WNT5A: variants seen among roughly 807,000 people sequenced by gnomAD.
WNT5A encodes protein Wnt-5a.
Under a neutral mutation model 42.1 loss-of-function variants are expected in WNT5A, and 9 were observed. The ratio of observed to expected loss-of-function variants is 0.21; its 90% confidence interval spans 0.13 to 0.37. The LOEUF is 0.37. Among genes scored for constraint, WNT5A ranks in the 10% least tolerant of loss-of-function variants. WNT5A has a pLI of 1.00. For synonymous variants in WNT5A, 210 were observed against 210.0 expected, an observed-to-expected ratio of 1.00 and a Z score of 0.00; for missense variants, 426 against 534.0, an observed-to-expected ratio of 0.80 and a Z score of 1.99.
intron 2 of WNT5A, among the ~76,000 whole-genome samples, 159 bp from the exon 3 acceptor site, chr3:55,479,723 T>C (rs1415518333): frequency 6.6e-6 from 1 of 152,190 alleles, no homozygotes. Flanking sequence ...AAAACTCCTC[T>C]GTTTAAACTG....
chr3:55,466,611 C>T lies in WNT5A; in HGVS notation c.*3481G>A, dbSNP rs1365090218. On this transcript the variant is annotated 3_prime_UTR_variant, in exon 5 of 5. Transcript: ENST00000264634. The stretch of plus-strand genomic sequence containing the variant: ...TTCTTTCTATTTGAGCCCATAATGA[C>T]TATTTTGAACATGGCTCTTTTGCTG... The T allele has an allele frequency of 6.6e-6, 1 of 152,538 alleles. No individual in the cohort carries two copies. The highest frequency in any genetic ancestry group is 2.4e-5 in the African/African-American group (1 of 41,448). 9.4% of individuals were successfully genotyped at this position (152,538 alleles called of 1,614,324 possible).
the WNT5A span, among the ~76,000 whole-genome samples, chr3:55,499,709 C>A: frequency 6.6e-6 from 1 of 152,148 alleles, no homozygotes; most frequent in African/African-American, 2.4e-5. Flanking sequence ...CATGGTGGCT[C>A]ACGCCTGTAA....
chr3:55,476,650 T>C (rs1286000435), intron 3 of WNT5A, among the ~76,000 whole-genome samples: 2 of 152,258 alleles, frequency 1.3e-5, no homozygotes, highest in Admixed American at 1.3e-4. Context: ...CATTTCCTTT[T>C]ATGCCGCAGA....
upstream of WNT5A, among the ~76,000 whole-genome samples, chr3:55,494,994 A>G (rs1452429833): frequency 1.3e-5 from 2 of 152,222 alleles, no homozygotes. Context: ...TGCATCCTCA[A>G]ATCTCAAGAC....
At position 55,468,148 on chromosome 3, in the gene WNT5A, A is replaced by G. The variant is rs1164874144; in HGVS notation, c.*1944T>C. Reference sequence around the variant, plus strand: ...AAGAGGTGTCCTTATTAAAAAAAAAAAAAAAAAAGCTATCTATGTAGTGGG... The same window carrying G: ...AAGAGGTGTCCTTATTAAAAAAAAAGAAAAAAAAGCTATCTATGTAGTGGG... On this transcript the variant is annotated 3_prime_UTR_variant, in exon 5 of 5. Transcript: ENST00000264634. The G allele has an allele frequency of 6.6e-6, 1 of 151,730 alleles. No homozygotes were observed. The highest frequency in any genetic ancestry group is 1.5e-5 in the Non-Finnish European group (1 of 67,906). The allele number at this position is 151,730 out of a possible 1,614,324, so 9.4% of individuals were successfully genotyped here. A position where few individuals can be genotyped will look rare whatever the true frequency, so the allele number is the denominator to read the frequency against.
rs1302532308 is a variant in WNT5A at position 55,470,519 on chromosome 3, T to C, written c.716A>G (p.Lys239Arg). ...TVYNLADVAC[K>R]CHGVSGSCSL... ...ACATGAGCCGGACACCCCATGGCAC[T>C]TGCAGGCCACATCAGCCAGGTTGTA... The change falls in exon 5 of 5, where the codon AAG (lysine) becomes AGG (arginine). Residue 239 changes from lysine to arginine, a missense_variant. Around this residue, in one of 3 missense-constraint regions of WNT5A, gnomAD observed 358 missense variants for 468.1 expected, o/e 0.76. Coordinates refer to ENST00000264634, the MANE Select transcript of WNT5A (RefSeq NM_003392.7). 6.3e-7 allele frequency: 1 copy of C among 1,579,820 alleles called. No individual in the cohort carries two copies. Among genetic ancestry groups the C allele is most frequent in the South Asian group, 1.2e-5 (1 of 85,354 alleles).
In WNT5A at chr3:55,470,208, C is replaced by G; in HGVS notation, c.1027G>C (p.Gly343Arg). Reference protein sequence around the residue: ...DGCELMCCGRGYDQFKTVQTE... With the variant: ...DGCELMCCGRRYDQFKTVQTE... The stretch of plus-strand genomic sequence containing the variant: ...TGCACGGTCTTGAACTGGTCGTAGC[C>G]ACGGCCGCAGCACATGAGCTCGCAG... The change falls in exon 5 of 5, where the codon GGC (glycine) becomes CGC (arginine). Residue 343 changes from glycine (G) to arginine (R), a missense_variant. Physicochemically the swap from Gly to Arg is moderately radical, Grantham distance 125. Around this residue, in one of 3 missense-constraint regions of WNT5A, gnomAD observed 358 missense variants for 468.1 expected, o/e 0.76. Coordinates refer to ENST00000264634, the MANE Select transcript of WNT5A (RefSeq NM_003392.7). The G allele has an allele frequency of 6.2e-7, 1 of 1,614,092 alleles. No homozygotes were observed.
the WNT5A span, among the ~76,000 whole-genome samples, chr3:55,502,003 T>C: frequency 6.6e-6 from 1 of 152,152 alleles, no homozygotes; most frequent in Non-Finnish European, 1.5e-5. Flanking sequence ...TTTAGTTAGA[T>C]TGGTGGGAGG....
rs569536036 is a variant in WNT5A, at chr3:55,467,638, G to A, written c.*2454C>T. On this transcript the variant is annotated 3_prime_UTR_variant, in exon 5 of 5. Transcript: ENST00000264634. ...ATCTTCCATTTGGCATAAGCCTTTC[G>A]ATGTTTGTTTTTTAAACCAGTGAAA... 5.2e-5 allele frequency: 8 copies of A among 152,606 alleles called. No individual in the cohort carries two copies. Among genetic ancestry groups the A allele is most frequent in the Admixed American group, 1.3e-4 (2 of 15,296 alleles). The allele number at this position is 152,606 out of a possible 1,614,324, so 9.5% of individuals were successfully genotyped here. A position where few individuals can be genotyped will look rare whatever the true frequency, so the allele number is the denominator to read the frequency against.
intron 3 of WNT5A, among the ~76,000 whole-genome samples, chr3:55,478,270 C>A (rs1025978764): frequency 1.3e-5 from 2 of 152,058 alleles, no homozygotes; most frequent in Admixed American, 1.3e-4. Context: ...CCCCTGACAA[C>A]TCTTTTTTGT....
At chr3:55,499,325 G>T in the WNT5A span, among the ~76,000 whole-genome samples, 1 of 152,160 alleles carries the variant, frequency 6.6e-6, no homozygotes, top group Non-Finnish European at 1.5e-5. Flanking sequence ...AAAGCAAGCG[G>T]CTTGGGAGTA....
At chr3:55,490,633 C>T (rs1211349594), upstream of WNT5A, 1 of 152,208 alleles carries the variant, frequency 6.6e-6, no homozygotes, top group Non-Finnish European at 1.5e-5. Flanking sequence ...TAGGAATGCT[C>T]TTAGCATGGG....
At chr3:55,487,978 C>G (rs568299673), upstream of WNT5A, 2 of 152,422 alleles carry the variant, frequency 1.3e-5, no homozygotes, top group Admixed American at 1.3e-4. Flanking sequence ...TCTCTTTTCC[C>G]CGTTTTTCCA....
At chr3:55,493,307 C>T (rs952371940), upstream of WNT5A, among the ~76,000 whole-genome samples, 3 of 152,164 alleles carry the variant, frequency 2.0e-5, no homozygotes, top group East Asian at 1.9e-4. Context: ...TTCAGGATAG[C>T]TTCATCCACA....
chr3:55,480,018 A>G (rs1337756847), intron 2 of WNT5A, among the ~76,000 whole-genome samples: 1 of 152,146 alleles, frequency 6.6e-6, no homozygotes, highest in Non-Finnish European at 1.5e-5. Flanking sequence ...TGACTGATGG[A>G]AGAACAGAGG....
chr3:55,487,043 A>C lies in WNT5A; in HGVS notation c.-58T>G. ...CCACCCGAGCGAGCGCAGCCGAGGA[A>C]TCCGAGCGGAGCGACCGGGTTAAGC... On this transcript the variant is annotated 5_prime_UTR_variant, in exon 1 of 5. Coordinates refer to ENST00000264634, the MANE Select transcript of WNT5A (RefSeq NM_003392.7). 1.3e-6 allele frequency: 2 copies of C among 1,582,742 alleles called. No individual in the cohort carries two copies. Among genetic ancestry groups the C allele is most frequent in the Non-Finnish European group, 1.7e-6 (2 of 1,158,776 alleles).
At chr3:55,481,660 G>T (rs1042234837) in intron 1 of WNT5A, among the ~76,000 whole-genome samples, 1 of 152,188 alleles carries the variant, frequency 6.6e-6, no homozygotes, top group Non-Finnish European at 1.5e-5. Context: ...CCAGACTAGG[G>T]AGGGGAGAAG....
intron 1 of WNT5A, among the ~76,000 whole-genome samples, chr3:55,485,158 C>T (rs977207226): frequency 2.8e-5 from 4 of 141,272 alleles, no homozygotes; most frequent in Admixed American, 2.1e-4. Flanking sequence ...GTCTGGTGGT[C>T]GGGAGGGATG....
chr3:55,470,454 T>C lies in WNT5A; in HGVS notation c.781A>G (p.Lys261Glu). 6.2e-7 allele frequency: 1 copy of C among 1,610,336 alleles called. No individual in the cohort carries two copies. Among genetic ancestry groups the C allele is most frequent in the Non-Finnish European group, 8.5e-7 (1 of 1,178,230 alleles). Residue 261 changes from lysine (K) to glutamate (E), a missense_variant, in exon 5 of 5, where the codon AAG (lysine) becomes GAG (glutamate). By Grantham distance (56) the Lys-to-Glu change is moderately conservative. Coordinates refer to ENST00000264634, the MANE Select transcript of WNT5A (RefSeq NM_003392.7). ...TTCTCCTTCAGGGCATCACCCACCTTGCGGAAGTCTGCCAGCTGCAGCCAG... is the reference window on the plus strand; with the variant it reads ...TTCTCCTTCAGGGCATCACCCACCTCGCGGAAGTCTGCCAGCTGCAGCCAG... Reference protein sequence around the residue: ...TCWLQLADFRKVGDALKEKYD... With the variant: ...TCWLQLADFREVGDALKEKYD...
Sources: gnomAD v4.1 joint callset for allele counts (sites outside exome capture counted in the v4.1 genomes callset) on GRCh38, gnomAD v4.1.1 for gene constraint, gnomAD v4.1.1 regional missense constraint, MANE v1.5 for transcripts, NCBI Gene and HGNC (gene_info 2026-07-23, HGNC 2026-07-21) for gene names.